WDSUB1: variants seen among roughly 807,000 people sequenced by gnomAD.
WDSUB1 encodes WD repeat, sterile alpha motif and U-box domain containing 1, also known as WD repeat, SAM and U-box domain-containing protein 1.
Under a neutral mutation model 53.9 loss-of-function variants are expected in WDSUB1, and 49 were observed. The observed-to-expected ratio is 0.91, with a 90% CI of 0.72 to 1.15. The LOEUF is 1.15. Among genes scored for constraint, WDSUB1 ranks in the 50% most tolerant of loss-of-function variants. WDSUB1 has a pLI of 0.00. For missense variants in WDSUB1, 514 were observed against 562.0 expected (o/e 0.91, Z 0.86); for synonymous variants, 194 against 200.6 (o/e 0.97, Z 0.28).
intron 5 of WDSUB1, among the ~76,000 whole-genome samples, chr2:159,264,881 C>T (rs2061304317): frequency 1.3e-5 from 2 of 151,912 alleles, no homozygotes; most frequent in South Asian, 2.1e-4. Context: ...GTCAGGAGTT[C>T]GAGACCAGCC....
chr2:159,270,928 G>A (rs2061432535), intron 5 of WDSUB1, among the ~76,000 whole-genome samples: 1 of 152,084 alleles, frequency 6.6e-6, no homozygotes. Flanking sequence ...GCATGAACAG[G>A]CACTTCATAC....
intron 10 of WDSUB1, 53 bp from the exon 11 acceptor site, chr2:159,236,243 T>A: frequency 6.5e-7 from 1 of 1,536,760 alleles, no homozygotes; most frequent in Non-Finnish European, 8.8e-7. Context: ...GAAATGAGGA[T>A]GTCTAAAATG....
At chr2:159,241,998 A>T (rs1307779801) in intron 10 of WDSUB1, among the ~76,000 whole-genome samples, 2 of 147,366 alleles carry the variant, frequency 1.4e-5, no homozygotes, top group African/African-American at 5.3e-5. Context: ...TACACTGACA[A>T]ATGGTGTTCT....
intron 5 of WDSUB1, among the ~76,000 whole-genome samples, chr2:159,262,504 C>T (rs975387279): frequency 6.9e-6 from 1 of 145,948 alleles, no homozygotes; most frequent in Non-Finnish European, 1.5e-5. Flanking sequence ...CAGTAGGAGA[C>T]CACTGAATCC....
At chr2:159,256,813 TAAAACCAAC>T (rs1328539075) in intron 8 of WDSUB1, among the ~76,000 whole-genome samples, 1 of 152,250 alleles carries the variant, frequency 6.6e-6, no homozygotes, top group Non-Finnish European at 1.5e-5. Flanking sequence ...GATGCCAAAA[TAAAACCAAC>T]AAAATACAAC....
At chr2:159,279,629 T>C (rs1265546381) in intron 3 of WDSUB1, 132 bp downstream of exon 3, 6 of 698,100 alleles carry the variant, frequency 8.6e-6, no homozygotes, top group Non-Finnish European at 1.3e-5. Flanking sequence ...GATAATCCCT[T>C]TACAGGAATA....
intron 10 of WDSUB1, among the ~76,000 whole-genome samples, chr2:159,239,121 C>A (rs1047580678): frequency 2.0e-5 from 3 of 152,152 alleles, no homozygotes; most frequent in Non-Finnish European, 4.4e-5. Flanking sequence ...CTCACCTCAT[C>A]CTCCCAAGTA....
At chr2:159,261,999 C>T (rs1001034841) in intron 5 of WDSUB1, among the ~76,000 whole-genome samples, 1 of 143,648 alleles carries the variant, frequency 7.0e-6, no homozygotes, top group African/African-American at 2.6e-5. Flanking sequence ...TCTGCTTAAG[C>T]CTGACTTTTC....
At chr2:159,252,714 T>C (rs1428382816) in intron 9 of WDSUB1, among the ~76,000 whole-genome samples, 1 of 152,200 alleles carries the variant, frequency 6.6e-6, no homozygotes, top group Non-Finnish European at 1.5e-5. Context: ...ACATAACGAA[T>C]TAATAAGAAC....
At chr2:159,236,986 T>G (rs1324619659) in intron 10 of WDSUB1, among the ~76,000 whole-genome samples, 18 of 152,174 alleles carry the variant, frequency 1.2e-4, no homozygotes, top group Admixed American at 1.2e-3. Context: ...AAGATTGGAC[T>G]TTTGCTTCAC....
At chr2:159,286,187 C>T (rs929225118) in intron 1 of WDSUB1, among the ~76,000 whole-genome samples, 2 of 152,088 alleles carry the variant, frequency 1.3e-5, no homozygotes, top group African/African-American at 4.8e-5. Context: ...ACACATGAAT[C>T]CCATCTCATT....
chr2:159,258,417 G>A (rs930903299), intron 6 of WDSUB1, among the ~76,000 whole-genome samples: 6 of 152,168 alleles, frequency 3.9e-5, no homozygotes, highest in Non-Finnish European at 8.8e-5. Flanking sequence ...CCAGCATGTC[G>A]GGAGGCCGAG....
At chr2:159,255,780 A>G (rs1434279169) in intron 9 of WDSUB1, among the ~76,000 whole-genome samples, 1 of 152,218 alleles carries the variant, frequency 6.6e-6, no homozygotes, top group African/African-American at 2.4e-5. Context: ...TGGTTAACTA[A>G]AATTTTACTA....
chr2:159,242,657 AAAAT>A lies in WDSUB1; in HGVS notation c.1273+5711_1273+5714del, dbSNP rs537690970. ...GCAACAAGAGCGAAACTCCCTCTCAAAAATAAATAAAGTATGCATCATAACTCAT... is the reference window on the plus strand; with the variant it reads ...GCAACAAGAGCGAAACTCCCTCTCAAAAATAAAGTATGCATCATAACTCAT... On this transcript the variant is annotated intron_variant, in intron 10 of 10. Transcript: ENST00000359774. Among the ~76,000 whole-genome samples the A allele has an allele frequency of 8.4e-3, 1,235 of 147,844 alleles. 41 individuals carry two copies. The highest frequency in any genetic ancestry group is 0.014 in the Non-Finnish European group (925 of 67,926).
chr2:159,258,024 AAG>A (rs1417272203), intron 6 of WDSUB1, 39 bp from the exon 7 acceptor site: 1 of 1,574,072 alleles, frequency 6.4e-7, no homozygotes, highest in Non-Finnish European at 8.7e-7. Context: ...TTACTCAAGT[AAG>A]AGTAAAGTTA....
intron 5 of WDSUB1, among the ~76,000 whole-genome samples, chr2:159,264,413 G>C (rs1005182631): frequency 6.6e-6 from 1 of 152,234 alleles, no homozygotes; most frequent in African/African-American, 2.4e-5. Context: ...TGCTGAGCAA[G>C]AGGGGGCTGT....
chr2:159,261,890 ATATATATTTTTTTTTTTTTTTTT>A (rs1176114202), intron 5 of WDSUB1, among the ~76,000 whole-genome samples: 10 of 13,638 alleles, frequency 7.3e-4, no homozygotes, highest in African/African-American at 1.3e-3. Context: ...ATATATATAT[ATATATATTTTTTTTTTTTTTTTT>A]TTTTTTTTTT....
intron 3 of WDSUB1, among the ~76,000 whole-genome samples, chr2:159,276,621 A>G (rs771016318): frequency 6.6e-6 from 1 of 152,228 alleles, no homozygotes; most frequent in Non-Finnish European, 1.5e-5. Flanking sequence ...ACAATTTTGG[A>G]TAATGTAAAT....
chr2:159,256,090 T>C, intron 9 of WDSUB1, 106 bp downstream of exon 9: 2 of 1,036,752 alleles, frequency 1.9e-6, no homozygotes, highest in South Asian at 1.7e-5. Flanking sequence ...GGGTCATTAG[T>C]GTAGTGCCAG....
Sources: allele counts gnomAD v4.1 joint callset (sites outside exome capture counted in the v4.1 genomes callset), GRCh38; gene constraint gnomAD v4.1.1; transcripts MANE v1.5; gene names NCBI Gene and HGNC (gene_info 2026-07-23, HGNC 2026-07-21).